The following PDE10A variants were observed in gnomAD, a reference collection of about 807,000 sequenced individuals.
PDE10A encodes the protein phosphodiesterase 10A, also known as cAMP and cAMP-inhibited cGMP 3',5'-cyclic phosphodiesterase 10A.
In PDE10A, 39 loss-of-function variants were observed where a neutral mutation model predicts 97.7. The observed-to-expected ratio is 0.40, with a 90% CI of 0.31 to 0.52. The LOEUF (loss-of-function observed/expected upper bound fraction) is 0.52, where lower values mean the gene tolerates loss of function less well. Among genes scored for constraint, PDE10A ranks in the 20% least tolerant of loss-of-function variants. PDE10A has a pLI of 0.56. For synonymous variants in PDE10A, 371 were observed against 376.8 expected (o/e 0.98, Z 0.18); for missense variants, 731 against 1,047.8 (o/e 0.70, Z 4.17).
intron 1 of PDE10A, among the ~76,000 whole-genome samples, chr6:165,796,496 G>C (rs1778837724): frequency 6.6e-6 from 1 of 152,186 alleles, no homozygotes; most frequent in African/African-American, 2.4e-5. Flanking sequence ...AGCCAAGACA[G>C]AGACAGCTGT....
chr6:165,493,429 T>A (rs1035959924), intron 2 of PDE10A, among the ~76,000 whole-genome samples: 2 of 152,078 alleles, frequency 1.3e-5, no homozygotes, highest in Non-Finnish European at 2.9e-5. Context: ...TTATCCAACT[T>A]CAAACTATAC....
intron 1 of PDE10A, among the ~76,000 whole-genome samples, chr6:165,962,600 G>A (rs1050028979): frequency 6.6e-6 from 1 of 152,236 alleles, no homozygotes; most frequent in African/African-American, 2.4e-5. Flanking sequence ...GCTGTGGAAT[G>A]TCAGCCATGC....
At chr6:165,429,041 A>G (rs192517539) in intron 9 of PDE10A, among the ~76,000 whole-genome samples, 137 of 152,232 alleles carry the variant, frequency 9.0e-4, no homozygotes, top group South Asian at 5.8e-3. Context: ...ACCATATTTA[A>G]TATTTTCATT....
intron 2 of PDE10A, among the ~76,000 whole-genome samples, chr6:165,486,354 C>T (rs1779916905): frequency 6.6e-6 from 1 of 152,132 alleles, no homozygotes; most frequent in Non-Finnish European, 1.5e-5. Context: ...GAGCAGCTGC[C>T]ACGACTGGAT....
At chr6:165,922,595 AC>A (rs1782787363) in intron 1 of PDE10A, among the ~76,000 whole-genome samples, 1 of 152,098 alleles carries the variant, frequency 6.6e-6, no homozygotes, top group Admixed American at 6.5e-5. Flanking sequence ...TCAAACAATG[AC>A]CCCCTTTTTT....
chr6:165,863,424 T>C (rs567906466), intron 1 of PDE10A, among the ~76,000 whole-genome samples: 1 of 152,308 alleles, frequency 6.6e-6, no homozygotes, highest in South Asian at 2.1e-4. Flanking sequence ...GAAAGAAGCA[T>C]TCAACCCCTT....
At chr6:165,431,675 C>T (rs912614801) in intron 7 of PDE10A, among the ~76,000 whole-genome samples, 2 of 149,852 alleles carry the variant, frequency 1.3e-5, no homozygotes, top group African/African-American at 2.4e-5. Context: ...ACAAAGGACT[C>T]GGGGATACAT....
At chr6:165,346,287 GT>G (rs910197319) in intron 18 of PDE10A, among the ~76,000 whole-genome samples, 2 of 152,166 alleles carry the variant, frequency 1.3e-5, no homozygotes, top group Admixed American at 1.3e-4. Context: ...GCAGCTTGAA[GT>G]ATGGTGACAG....
intron 1 of PDE10A, among the ~76,000 whole-genome samples, chr6:165,690,329 C>T (rs886943611): frequency 2.0e-5 from 3 of 152,250 alleles, no homozygotes; most frequent in Admixed American, 6.5e-5. Context: ...AAGAAATAGC[C>T]TTCAGCTTTG....
chr6:165,974,497 G>C (rs1784791066), intron 1 of PDE10A, among the ~76,000 whole-genome samples: 1 of 152,166 alleles, frequency 6.6e-6, no homozygotes, highest in African/African-American at 2.4e-5. Flanking sequence ...GGGCCTCCAA[G>C]GATGCTTAAG....
intron 1 of PDE10A, among the ~76,000 whole-genome samples, chr6:165,875,168 C>T (rs887881299): frequency 2.6e-5 from 4 of 152,116 alleles, no homozygotes; most frequent in Non-Finnish European, 5.9e-5. Context: ...CTTCAATTCT[C>T]CCCCAGAGAG....
At chr6:165,862,954 A>G (rs752817794) in intron 1 of PDE10A, among the ~76,000 whole-genome samples, 38 of 152,254 alleles carry the variant, frequency 2.5e-4, no homozygotes, top group Non-Finnish European at 5.3e-4. Context: ...TGTTGGGATT[A>G]TAGGCATGAG....
intron 1 of PDE10A, among the ~76,000 whole-genome samples, chr6:165,778,663 A>G (rs899116239): frequency 6.6e-6 from 1 of 152,230 alleles, no homozygotes; most frequent in African/African-American, 2.4e-5. Context: ...GAGGCAATTT[A>G]CTTTGCCATC....
intron 1 of PDE10A, among the ~76,000 whole-genome samples, chr6:165,714,313 G>A (rs754623851): frequency 6.6e-6 from 1 of 152,216 alleles, no homozygotes; most frequent in East Asian, 1.9e-4. Flanking sequence ...TGCCCTCTGT[G>A]GGGAAAGCGG....
intron 13 of PDE10A, among the ~76,000 whole-genome samples, chr6:165,403,519 T>C (rs1169637186): frequency 1.1e-4 from 16 of 152,218 alleles, no homozygotes; most frequent in African/African-American, 3.9e-4. Flanking sequence ...AGTTTGACTT[T>C]GGGAACACTT....
intron 2 of PDE10A, among the ~76,000 whole-genome samples, chr6:165,533,535 A>G (rs560076968): frequency 1.8e-4 from 27 of 152,330 alleles, no homozygotes; most frequent in Non-Finnish European, 1.9e-4. Context: ...GTAGAGGTGG[A>G]CTATATTTCT....
At chr6:165,559,940 T>C (rs1056408782) in intron 1 of PDE10A, among the ~76,000 whole-genome samples, 1 of 152,328 alleles carries the variant, frequency 6.6e-6, no homozygotes. Flanking sequence ...TGTGAAACTG[T>C]GAGTCCATTA....
chr6:165,371,713 C>G (rs1205575193), intron 18 of PDE10A, among the ~76,000 whole-genome samples: 1 of 151,918 alleles, frequency 6.6e-6, no homozygotes, highest in Admixed American at 6.6e-5. Flanking sequence ...GGGAATCCTC[C>G]CTAACTCATT....
intron 2 of PDE10A, among the ~76,000 whole-genome samples, chr6:165,484,516 T>G (rs761286991): frequency 1.3e-5 from 2 of 152,160 alleles, no homozygotes; most frequent in African/African-American, 2.4e-5. Context: ...GTGTGCTCCT[T>G]ATGAGAATCT....
Sources: gnomAD v4.1 joint callset for allele counts (sites outside exome capture counted in the v4.1 genomes callset) on GRCh38, gnomAD v4.1.1 for gene constraint, MANE v1.5 for transcripts, NCBI Gene and HGNC (gene_info 2026-07-23, HGNC 2026-07-21) for gene names.